GABRA3: variants seen among roughly 807,000 people sequenced by gnomAD.
The protein encoded by GABRA3 is gamma-aminobutyric acid receptor subunit alpha-3.
A neutral mutation model predicts 30.1 loss-of-function variants in GABRA3; 10 were observed. The ratio of observed to expected loss-of-function variants is 0.33; its 90% CI spans 0.20 to 0.56. The LOEUF (loss-of-function observed/expected upper bound fraction) is 0.56. GABRA3 is among the 20% of genes least tolerant of loss of function. The pLI, the probability that GABRA3 is intolerant of heterozygous loss-of-function variation, is 0.89. For missense variants in GABRA3, 233 were observed against 392.0 expected, an observed-to-expected ratio of 0.59 and a Z score of 3.42; for synonymous variants, 151 against 146.8, an observed-to-expected ratio of 1.03 and a Z score of -0.21.
At chrX:152,379,537 T>A (rs1354047705) in intron 1 of GABRA3, among the ~76,000 whole-genome samples, 1 of 110,966 alleles carries the variant, frequency 9.0e-6, no homozygotes, top group Non-Finnish European at 1.9e-5. Context: ...CCTAGTTCAA[T>A]CAGAAAGAAT....
At chrX:152,334,213 C>G (rs958660423) in intron 3 of GABRA3, among the ~76,000 whole-genome samples, 12 of 111,321 alleles carry the variant, frequency 1.1e-4, no homozygotes, top group African/African-American at 3.9e-4. Context: ...GAAAACTTCC[C>G]AAAATTGATA....
At chrX:152,290,731 T>C (rs923707253) in intron 3 of GABRA3, among the ~76,000 whole-genome samples, 1 of 112,247 alleles carries the variant, frequency 8.9e-6, no homozygotes, top group African/African-American at 3.2e-5. Context: ...TTTCTACATA[T>C]GGCTAGCCAG....
intron 9 of GABRA3, among the ~76,000 whole-genome samples, chrX:152,175,410 G>A (rs143350614): frequency 0.014 from 1,510 of 111,316 alleles, 12 homozygotes; most frequent in Middle Eastern, 0.028. Flanking sequence ...TATTTTCTGC[G>A]TCTACAATGT....
intron 1 of GABRA3, among the ~76,000 whole-genome samples, chrX:152,418,468 G>A (rs1293840496): frequency 9.0e-6 from 1 of 111,375 alleles, no homozygotes; most frequent in Non-Finnish European, 1.9e-5. Flanking sequence ...AAAACATCTT[G>A]TACTACCTGA....
intron 1 of GABRA3, among the ~76,000 whole-genome samples, chrX:152,425,106 G>GTT (rs368005885): frequency 2.1e-5 from 2 of 97,046 alleles, no homozygotes. Flanking sequence ...CTCAGCTAAG[G>GTT]TTTTTTTTTT....
intron 7 of GABRA3, among the ~76,000 whole-genome samples, chrX:152,206,475 G>A (rs950909778): frequency 3.8e-4 from 42 of 111,741 alleles, no homozygotes; most frequent in Non-Finnish European, 5.3e-4. Flanking sequence ...GCATAGTCCC[G>A]GGATCAGGGC....
intron 4 of GABRA3, among the ~76,000 whole-genome samples, chrX:152,282,225 C>T (rs1157848146): frequency 1.8e-5 from 2 of 111,428 alleles, no homozygotes; most frequent in African/African-American, 3.3e-5. Flanking sequence ...TGGACCCAAA[C>T]GCCCTCTTTT....
intron 9 of GABRA3, among the ~76,000 whole-genome samples, chrX:152,169,442 G>A (rs1936976211): frequency 8.9e-6 from 1 of 112,032 alleles, no homozygotes; most frequent in Admixed American, 9.5e-5. Context: ...AACACCCAGT[G>A]GGAAGCAAGC....
chrX:152,296,346 C>T (rs1939527365), intron 3 of GABRA3, among the ~76,000 whole-genome samples: 2 of 111,937 alleles, frequency 1.8e-5, no homozygotes, highest in Non-Finnish European at 3.8e-5. Flanking sequence ...CTCACGTTAA[C>T]GACCTTTCCA....
intron 3 of GABRA3, among the ~76,000 whole-genome samples, chrX:152,335,113 G>A (rs1940215086): frequency 1.8e-5 from 2 of 111,657 alleles, no homozygotes; most frequent in African/African-American, 6.5e-5. Flanking sequence ...GCACTGCTGA[G>A]AGTACTGTGG....
intron 3 of GABRA3, among the ~76,000 whole-genome samples, chrX:152,292,831 G>A (rs1483099514): frequency 8.9e-6 from 1 of 111,828 alleles, no homozygotes; most frequent in African/African-American, 3.2e-5. Context: ...TCAGGAGCAG[G>A]TTGTTCAGTT....
chrX:152,390,388 A>G (rs754928852), intron 1 of GABRA3, among the ~76,000 whole-genome samples: 4 of 112,802 alleles, frequency 3.5e-5, no homozygotes, highest in Admixed American at 9.4e-5. Context: ...ATCTCATTAC[A>G]ACAGTAGACA....
At chrX:152,416,133 A>T (rs976042005) in intron 1 of GABRA3, among the ~76,000 whole-genome samples, 1 of 102,260 alleles carries the variant, frequency 9.8e-6, no homozygotes, top group Non-Finnish European at 2.0e-5. Flanking sequence ...CCATTGTCTC[A>T]GCCCAAAATC....
chrX:152,282,548 C>T (rs1939217297), intron 4 of GABRA3, among the ~76,000 whole-genome samples: 1 of 112,309 alleles, frequency 8.9e-6, no homozygotes, highest in African/African-American at 3.2e-5. Flanking sequence ...AGTCTGCCCT[C>T]TCTATCAGGA....
At chrX:152,232,911 A>G (rs1015159553) in intron 5 of GABRA3, among the ~76,000 whole-genome samples, 8 of 110,923 alleles carry the variant, frequency 7.2e-5, no homozygotes, top group Admixed American at 9.7e-5. Flanking sequence ...CATAGAGGTT[A>G]TGCTAATTCA....
intron 4 of GABRA3, among the ~76,000 whole-genome samples, chrX:152,272,712 A>G (rs1306860956): frequency 8.9e-6 from 1 of 111,786 alleles, no homozygotes; most frequent in Non-Finnish European, 1.9e-5. Context: ...TGTAGTTTCC[A>G]TAATCCCCAC....
At chrX:152,239,805 G>T (rs1354022048) in intron 5 of GABRA3, among the ~76,000 whole-genome samples, 21 of 105,289 alleles carry the variant, frequency 2.0e-4, no homozygotes, top group Non-Finnish European at 3.6e-4. Flanking sequence ...TATCAGAGAC[G>T]AGGATTGCAA....
At chrX:152,257,735 AG>A (rs1323452045) in intron 4 of GABRA3, among the ~76,000 whole-genome samples, 1 of 112,618 alleles carries the variant, frequency 8.9e-6, no homozygotes, top group Non-Finnish European at 1.9e-5. Context: ...GCTTAGCAAA[AG>A]GGTAAACTAG....
chrX:152,343,085 T>G (rs1036798137), intron 3 of GABRA3, among the ~76,000 whole-genome samples: 3 of 111,479 alleles, frequency 2.7e-5, no homozygotes, highest in African/African-American at 9.8e-5. Flanking sequence ...TCTGTCTTTC[T>G]CTCCACAACT....
Sources: gnomAD v4.1 joint callset for allele counts (sites outside exome capture counted in the v4.1 genomes callset) on GRCh38, gnomAD v4.1.1 for gene constraint, MANE v1.5 for transcripts, NCBI Gene and HGNC (gene_info 2026-07-23, HGNC 2026-07-21) for gene names.